Variants in CDK19 observed in about 807,000 individuals in gnomAD.
The protein encoded by CDK19 is cyclin-dependent kinase 19.
A neutral mutation model predicts 68.3 loss-of-function variants in CDK19; 20 were observed. The observed-to-expected ratio is 0.29, with a 90% CI of 0.21 to 0.43. The LOEUF (loss-of-function observed/expected upper bound fraction) is 0.43, where lower values mean the gene tolerates loss of function less well. CDK19 is among the 20% of genes least tolerant of loss of function. The pLI is 1.00. For missense variants in CDK19, 339 were observed against 623.5 expected, an observed-to-expected ratio of 0.54 and a Z score of 4.86; for synonymous variants, 221 against 222.8, an observed-to-expected ratio of 0.99 and a Z score of 0.07.
chr6:110,726,851 G>A, intron 2 of CDK19, among the ~76,000 whole-genome samples: 1 of 152,018 alleles, frequency 6.6e-6, no homozygotes, highest in East Asian at 1.9e-4. Context: ...TGGAATATAT[G>A]GAAGGATTAA....
chr6:110,805,020 C>T (rs1269620908), intron 1 of CDK19, among the ~76,000 whole-genome samples: 2 of 151,908 alleles, frequency 1.3e-5, no homozygotes, highest in Non-Finnish European at 2.9e-5. Flanking sequence ...TCTTTGATCA[C>T]TCACTTCTGG....
At chr6:110,757,153 T>C (rs1778893936) in intron 1 of CDK19, among the ~76,000 whole-genome samples, 1 of 152,148 alleles carries the variant, frequency 6.6e-6, no homozygotes, top group Non-Finnish European at 1.5e-5. Flanking sequence ...ACCCATGGGC[T>C]TCCACTGCCC....
At chr6:110,695,844 T>C (rs572989881) in intron 2 of CDK19, among the ~76,000 whole-genome samples, 13 of 151,460 alleles carry the variant, frequency 8.6e-5, no homozygotes, top group South Asian at 2.1e-4. Context: ...GAGATTAAAA[T>C]AGTAATTAAA....
At chr6:110,762,341 T>C (rs1337062561) in intron 1 of CDK19, among the ~76,000 whole-genome samples, 1 of 152,182 alleles carries the variant, frequency 6.6e-6, no homozygotes, top group Non-Finnish European at 1.5e-5. Context: ...TCCAGAAATT[T>C]TGTGAACACC....
intron 2 of CDK19, among the ~76,000 whole-genome samples, chr6:110,731,830 T>G (rs73528405): frequency 6.6e-6 from 1 of 152,160 alleles, no homozygotes; most frequent in Non-Finnish European, 1.5e-5. Context: ...TTGTATTTTG[T>G]ATAGACTATG....
chr6:110,682,701 G>A (rs1207196328), intron 2 of CDK19, among the ~76,000 whole-genome samples: 1 of 152,122 alleles, frequency 6.6e-6, no homozygotes, highest in East Asian at 1.9e-4. Flanking sequence ...GAGGCAGTAA[G>A]TAAAATGCAA....
intron 4 of CDK19, among the ~76,000 whole-genome samples, chr6:110,651,270 T>TATCTATCC (rs1167750993): frequency 1.3e-5 from 2 of 149,448 alleles, no homozygotes; most frequent in African/African-American, 4.9e-5. Context: ...TCTATCCGTC[T>TATCTATCC]AACACCTATT....
chr6:110,762,890 ATG>A (rs759115447), intron 1 of CDK19, among the ~76,000 whole-genome samples: 2 of 152,204 alleles, frequency 1.3e-5, no homozygotes, highest in Admixed American at 1.3e-4. Flanking sequence ...TTTGTAGCCA[ATG>A]TAATACCTTG....
intron 1 of CDK19, among the ~76,000 whole-genome samples, chr6:110,812,124 CTT>C (rs72281030): frequency 4.8e-5 from 7 of 145,354 alleles, no homozygotes; most frequent in Non-Finnish European, 9.1e-5. Flanking sequence ...GAACAAATAA[CTT>C]TTTTTTTTTT....
intron 1 of CDK19, among the ~76,000 whole-genome samples, chr6:110,787,438 T>G (rs1350323458): frequency 6.6e-6 from 1 of 152,008 alleles, no homozygotes; most frequent in Non-Finnish European, 1.5e-5. Flanking sequence ...TTTTTTTGTT[T>G]TGTTTTGTTT....
intron 4 of CDK19, among the ~76,000 whole-genome samples, chr6:110,640,982 G>A (rs999117371): frequency 6.6e-6 from 1 of 152,012 alleles, no homozygotes; most frequent in Admixed American, 6.6e-5. Flanking sequence ...AAATGAAAGA[G>A]TTTGAGAAAT....
At chr6:110,783,840 A>T (rs1780995868) in intron 1 of CDK19, among the ~76,000 whole-genome samples, 1 of 152,046 alleles carries the variant, frequency 6.6e-6, no homozygotes, top group Admixed American at 6.6e-5. Flanking sequence ...GTGAATCACA[A>T]AATCAAAGAA....
chr6:110,631,953 A>C, intron 6 of CDK19, 77 bp downstream of exon 6: 1 of 1,346,492 alleles, frequency 7.4e-7, no homozygotes, highest in Non-Finnish European at 1.0e-6. Context: ...GTTTTTATCA[A>C]GTAGCTTTAT....
chr6:110,637,914 C>T (rs1169017913), intron 5 of CDK19, among the ~76,000 whole-genome samples: 1 of 152,154 alleles, frequency 6.6e-6, no homozygotes, highest in Non-Finnish European at 1.5e-5. Context: ...ACCCAGGAGG[C>T]GGAGGTTGCA....
At chr6:110,814,551 C>A (rs1353943466) in intron 1 of CDK19, 1 of 455,706 alleles carries the variant, frequency 2.2e-6, no homozygotes, top group Non-Finnish European at 4.4e-6. Flanking sequence ...CCGACAGGCT[C>A]CCCGGCGAGG....
intron 1 of CDK19, among the ~76,000 whole-genome samples, chr6:110,779,880 T>C (rs1780670637): frequency 6.6e-6 from 1 of 151,744 alleles, no homozygotes; most frequent in African/African-American, 2.4e-5. Context: ...AGGTCAGGAG[T>C]TTGAGACCAG....
chr6:110,779,032 C>T (rs919648777), intron 1 of CDK19, among the ~76,000 whole-genome samples: 11 of 152,186 alleles, frequency 7.2e-5, no homozygotes, highest in African/African-American at 2.7e-4. Flanking sequence ...TTGAGACCAC[C>T]TGTTTTGTAC....
At chr6:110,709,087 T>G (rs1245606422) in intron 2 of CDK19, among the ~76,000 whole-genome samples, 1 of 152,154 alleles carries the variant, frequency 6.6e-6, no homozygotes, top group Non-Finnish European at 1.5e-5. Flanking sequence ...ACCACATTAT[T>G]ATCTCAATAG....
chr6:110,763,795 T>C (rs1779391217), intron 1 of CDK19, among the ~76,000 whole-genome samples: 1 of 152,052 alleles, frequency 6.6e-6, no homozygotes, highest in Non-Finnish European at 1.5e-5. Context: ...GGTATACAGA[T>C]TGGAAAGGCA....
Sources: allele counts gnomAD v4.1 joint callset (sites outside exome capture counted in the v4.1 genomes callset), GRCh38; gene constraint gnomAD v4.1.1; transcripts MANE v1.5; gene names NCBI Gene and HGNC (gene_info 2026-07-23, HGNC 2026-07-21).